Variants in ARHGAP32 observed in about 807,000 individuals in gnomAD.
The protein encoded by ARHGAP32 is Rho GTPase activating protein 32.
In ARHGAP32, 51 loss-of-function variants were observed where a neutral mutation model predicts 186.5. The ratio of observed to expected loss-of-function variants is 0.27; its 90% confidence interval spans 0.22 to 0.35. The LOEUF is 0.35. Ranked by LOEUF, ARHGAP32 falls within the 10% of genes least tolerant of loss-of-function variation. The pLI is 1.00. For synonymous variants in ARHGAP32, 950 were observed against 964.3 expected (o/e 0.99, Z 0.27); for missense variants, 2,186 against 2,623.5 (o/e 0.83, Z 3.64).
intron 1 of ARHGAP32, among the ~76,000 whole-genome samples, chr11:129,247,876 G>A (rs1945122152): frequency 6.6e-6 from 1 of 152,000 alleles, no homozygotes; most frequent in Non-Finnish European, 1.5e-5. Context: ...TTCAGTCAAT[G>A]GAAATTTTTC....
Position 129,039,830 on chromosome 11 carries a change from T to C in ARHGAP32, c.1045+1098A>G, listed in dbSNP as rs571403447. On this transcript the variant is annotated intron_variant, in intron 11 of 22. Transcript: ENST00000682385. ...AACAAGTACCCACTTAGGAGCTTTTTAAAAAAGTTTACCCAAGAAGGATAA... is the reference window on the plus strand; with the variant it reads ...AACAAGTACCCACTTAGGAGCTTTTCAAAAAAGTTTACCCAAGAAGGATAA... Among the ~76,000 whole-genome samples, 3 of 152,300 alleles carry C rather than the reference T, an allele frequency of 2.0e-5. No homozygotes were observed. In the South Asian group the frequency reaches 6.2e-4, roughly 32 times the overall value.
chr11:129,036,024 T>C (rs1939318443), intron 11 of ARHGAP32, among the ~76,000 whole-genome samples: 1 of 152,100 alleles, frequency 6.6e-6, no homozygotes, highest in African/African-American at 2.4e-5. Flanking sequence ...ACTGATTAAC[T>C]TTCCCAATGC....
upstream of ARHGAP32, among the ~76,000 whole-genome samples, chr11:129,194,057 G>T (rs1009192452): frequency 2.0e-5 from 3 of 151,664 alleles, no homozygotes; most frequent in Non-Finnish European, 4.4e-5. Context: ...ATAATAAGAT[G>T]ACTTTTAAAA....
chr11:129,235,149 G>A (rs1326891755), intron 1 of ARHGAP32, among the ~76,000 whole-genome samples: 1 of 152,172 alleles, frequency 6.6e-6, no homozygotes, highest in Admixed American at 6.6e-5. Context: ...TGGCCCTGCT[G>A]ACATCTTGAT....
chr11:129,098,990 G>A (rs1008948644), intron 5 of ARHGAP32, among the ~76,000 whole-genome samples: 6 of 151,702 alleles, frequency 4.0e-5, no homozygotes, highest in African/African-American at 1.5e-4. Flanking sequence ...AAATAAGAAA[G>A]AAATTTAAAC....
At chr11:129,218,196 G>A (rs998662769) in intron 1 of ARHGAP32, among the ~76,000 whole-genome samples, 9 of 152,086 alleles carry the variant, frequency 5.9e-5, no homozygotes, top group East Asian at 5.8e-4. Context: ...TATTAAATAC[G>A]TTAAATAATA....
chr11:129,008,323 C>T (rs1046815922), intron 11 of ARHGAP32, among the ~76,000 whole-genome samples: 1 of 152,086 alleles, frequency 6.6e-6, no homozygotes, highest in Non-Finnish European at 1.5e-5. Flanking sequence ...CCCTATTATA[C>T]AGTAGTGAGT....
At chr11:129,147,238 A>G (rs1164494797) in intron 2 of ARHGAP32, among the ~76,000 whole-genome samples, 4 of 152,150 alleles carry the variant, frequency 2.6e-5, no homozygotes, top group African/African-American at 9.6e-5. Flanking sequence ...AATGTATTAT[A>G]TAAATAGTAT....
intron 1 of ARHGAP32, among the ~76,000 whole-genome samples, chr11:129,204,418 G>A (rs978405005): frequency 6.6e-6 from 1 of 152,092 alleles, no homozygotes; most frequent in Admixed American, 6.6e-5. Context: ...GTAAGGCTAT[G>A]CAAAAAGAAA....
chr11:128,970,064 T>C lies in ARHGAP32; in HGVS notation c.5149A>G (p.Ser1717Gly). Residue 1717 changes from serine to glycine, a missense_variant, in exon 23 of 23, where the codon AGT becomes GGT. By Grantham distance (56) the Ser-to-Gly change is moderately conservative (BLOSUM62 0). Coordinates refer to ENST00000682385, the MANE Select transcript of ARHGAP32 (RefSeq NM_001378024.1). This position sits in a 1 kb window ranked among gnomAD's most constrained non-coding sequence, Gnocchi z 5.8. ...GGACGTGGAGCCAAACCAGCATAACTGTACAAGCTCTTTCCTTGCAGCCTA... is the reference window on the plus strand; with the variant it reads ...GGACGTGGAGCCAAACCAGCATAACCGTACAAGCTCTTTCCTTGCAGCCTA... ...NPRLQGKSLY[S>G]YAGLAPRPRA... 4 of 1,614,148 alleles carry C rather than the reference T, an allele frequency of 2.5e-6. No individual in the cohort carries two copies. The highest frequency in any genetic ancestry group is 1.6e-4 in the Middle Eastern group (1 of 6,062).
At chr11:129,255,780 T>C (rs960920973) in intron 1 of ARHGAP32, among the ~76,000 whole-genome samples, 1 of 152,144 alleles carries the variant, frequency 6.6e-6, no homozygotes, top group African/African-American at 2.4e-5. Context: ...CAAGTGCTGA[T>C]GAGAATGCAG....
At chr11:129,223,249 A>AT (rs1944736003) in intron 1 of ARHGAP32, among the ~76,000 whole-genome samples, 1 of 152,338 alleles carries the variant, frequency 6.6e-6, no homozygotes, top group East Asian at 1.9e-4. Context: ...CTGAACAAAT[A>AT]TAAGTAGACT....
At chr11:129,007,932 T>C (rs1293832022) in intron 11 of ARHGAP32, among the ~76,000 whole-genome samples, 2 of 152,170 alleles carry the variant, frequency 1.3e-5, no homozygotes, top group African/African-American at 4.8e-5. Flanking sequence ...TAGGGCTGTC[T>C]AAATGGCCCC....
intron 1 of ARHGAP32, among the ~76,000 whole-genome samples, chr11:129,174,414 A>T (rs1259058229): frequency 1.3e-5 from 2 of 152,184 alleles, no homozygotes; most frequent in African/African-American, 2.4e-5. Flanking sequence ...AAGCAGCCAG[A>T]AAGCTCGAAC....
At chr11:129,257,639 T>G (rs1023952407) in intron 1 of ARHGAP32, among the ~76,000 whole-genome samples, 1 of 151,622 alleles carries the variant, frequency 6.6e-6, no homozygotes, top group Non-Finnish European at 1.5e-5. Context: ...ATTTTTAAAA[T>G]TACAGAAAAC....
At chr11:129,261,353 A>T (rs1297217434) in intron 1 of ARHGAP32, among the ~76,000 whole-genome samples, 1 of 152,128 alleles carries the variant, frequency 6.6e-6, no homozygotes, top group Non-Finnish European at 1.5e-5. Context: ...ACAAGAATTT[A>T]TTTTTTTCTG....
intron 10 of ARHGAP32, among the ~76,000 whole-genome samples, chr11:129,053,494 C>T (rs978086603): frequency 2.0e-5 from 3 of 152,114 alleles, no homozygotes; most frequent in Non-Finnish European, 2.9e-5. Flanking sequence ...CTATGATTCA[C>T]ACAAGTAAAC....
At chr11:129,196,703 A>G (rs1003794556), upstream of ARHGAP32, among the ~76,000 whole-genome samples, 1 of 152,170 alleles carries the variant, frequency 6.6e-6, no homozygotes, top group Admixed American at 6.5e-5. Context: ...TTACAGGTGA[A>G]GAAACTGAGA....
intron 1 of ARHGAP32, among the ~76,000 whole-genome samples, chr11:129,228,971 G>A (rs1944821910): frequency 6.6e-6 from 1 of 152,126 alleles, no homozygotes; most frequent in African/African-American, 2.4e-5. Context: ...ATTTGGCTAT[G>A]CCCAATTCAC....
Sources: gnomAD v4.1 joint callset for allele counts (sites outside exome capture counted in the v4.1 genomes callset) on GRCh38, gnomAD v4.1.1 for gene constraint, Gnocchi (gnomAD v3.1) non-coding constraint, MANE v1.5 for transcripts, NCBI Gene and HGNC (gene_info 2026-07-23, HGNC 2026-07-21) for gene names.